Variants in LOC128125817 observed in about 807,000 individuals in gnomAD.
chr1:41,595,530 G>A, the LOC128125817 span, among the ~76,000 whole-genome samples: 6 of 152,150 alleles, frequency 3.9e-5, no homozygotes, highest in Non-Finnish European at 5.9e-5. Flanking sequence ...GCTGGGTTTT[G>A]AACTATGGGA....
the LOC128125817 span, among the ~76,000 whole-genome samples, chr1:41,610,311 C>G: frequency 6.6e-6 from 1 of 152,236 alleles, no homozygotes; most frequent in Non-Finnish European, 1.5e-5. Context: ...AGACACTTTG[C>G]TGCTATCACA....
the LOC128125817 span, among the ~76,000 whole-genome samples, chr1:41,623,743 G>A: frequency 2.8e-4 from 42 of 152,268 alleles, 1 homozygote; most frequent in African/African-American, 9.1e-4. Context: ...ACCCCACGCC[G>A]GTCTCTCACA....
chr1:41,616,620 CTTT>C, the LOC128125817 span, among the ~76,000 whole-genome samples: 6 of 112,452 alleles, frequency 5.3e-5, no homozygotes, highest in Admixed American at 1.0e-4. Flanking sequence ...GATGGGGAGC[CTTT>C]TTTTTTTTTT....
At chr1:41,628,211 C>T in the LOC128125817 span, among the ~76,000 whole-genome samples, 3 of 152,198 alleles carry the variant, frequency 2.0e-5, no homozygotes, top group Non-Finnish European at 4.4e-5. Flanking sequence ...CCAACCCTGA[C>T]ATCTTTTCAA....
At chr1:41,609,827 T>C in the LOC128125817 span, among the ~76,000 whole-genome samples, 1 of 152,270 alleles carries the variant, frequency 6.6e-6, no homozygotes, top group African/African-American at 2.4e-5. Context: ...ATGGTTAATT[T>C]TGTGTCAAGT....
At chr1:41,609,370 C>A in the LOC128125817 span, among the ~76,000 whole-genome samples, 1 of 152,250 alleles carries the variant, frequency 6.6e-6, no homozygotes, top group South Asian at 2.1e-4. Flanking sequence ...TTTGCCTGGG[C>A]AGCCTAGTAG....
chr1:41,585,751 C>G, the LOC128125817 span, among the ~76,000 whole-genome samples: 3 of 152,160 alleles, frequency 2.0e-5, no homozygotes, highest in African/African-American at 7.2e-5. Flanking sequence ...GACTGTGCCT[C>G]GGAGCTGCAG....
At chr1:41,607,311 T>C in the LOC128125817 span, among the ~76,000 whole-genome samples, 1 of 152,250 alleles carries the variant, frequency 6.6e-6, no homozygotes, top group Non-Finnish European at 1.5e-5. Flanking sequence ...GAGGTTTTCT[T>C]GGTTTTAACA....
the LOC128125817 span, among the ~76,000 whole-genome samples, chr1:41,611,359 C>A: frequency 2.6e-5 from 4 of 152,156 alleles, no homozygotes; most frequent in African/African-American, 9.7e-5. Context: ...AACAAAGACA[C>A]AAACTGTGGA....
chr1:41,617,652 AAC>A, the LOC128125817 span, among the ~76,000 whole-genome samples: 1 of 152,366 alleles, frequency 6.6e-6, no homozygotes, highest in African/African-American at 2.4e-5. Flanking sequence ...AGGAGATATC[AAC>A]AGTGTTTCCT....
chr1:41,610,850 G>A, the LOC128125817 span, among the ~76,000 whole-genome samples: 1 of 152,196 alleles, frequency 6.6e-6, no homozygotes, highest in Non-Finnish European at 1.5e-5. Context: ...CTGTTTGTGT[G>A]CCTGAGGGGA....
At chr1:41,620,142 G>A in the LOC128125817 span, among the ~76,000 whole-genome samples, 1 of 152,142 alleles carries the variant, frequency 6.6e-6, no homozygotes, top group Non-Finnish European at 1.5e-5. Flanking sequence ...CGACCCCAGG[G>A]AGGCATGCCA....
At chr1:41,598,548 A>G in the LOC128125817 span, among the ~76,000 whole-genome samples, 85 of 152,364 alleles carry the variant, frequency 5.6e-4, 1 homozygote, top group African/African-American at 1.8e-3. Flanking sequence ...CAGGATAGAT[A>G]TAACTGTATA....
the LOC128125817 span, among the ~76,000 whole-genome samples, chr1:41,601,918 C>G: frequency 1.3e-5 from 2 of 152,188 alleles, no homozygotes; most frequent in African/African-American, 4.8e-5. Flanking sequence ...TACTTTCCCT[C>G]TAGTCTTAGT....
the LOC128125817 span, among the ~76,000 whole-genome samples, chr1:41,613,106 C>T: frequency 1.3e-5 from 2 of 152,218 alleles, no homozygotes; most frequent in Non-Finnish European, 2.9e-5. Flanking sequence ...CGGAGTCAGC[C>T]GCTAGGGGCT....
chr1:41,618,703 C>T, the LOC128125817 span, among the ~76,000 whole-genome samples: 9 of 152,180 alleles, frequency 5.9e-5, no homozygotes, highest in Non-Finnish European at 1.3e-4. Context: ...GGATGAGTTT[C>T]CCAAGACAAA....
At chr1:41,613,547 A>C in the LOC128125817 span, among the ~76,000 whole-genome samples, 9 of 152,382 alleles carry the variant, frequency 5.9e-5, no homozygotes, top group African/African-American at 2.2e-4. Flanking sequence ...GGAAAGCTTC[A>C]GTTAATAGTT....
chr1:41,622,110 C>T, the LOC128125817 span, among the ~76,000 whole-genome samples: 1 of 152,196 alleles, frequency 6.6e-6, no homozygotes, highest in Non-Finnish European at 1.5e-5. Context: ...ATAACAAATG[C>T]TTACTGAGCA....
chr1:41,625,747 A>C, the LOC128125817 span, among the ~76,000 whole-genome samples: 5 of 152,220 alleles, frequency 3.3e-5, no homozygotes, highest in Admixed American at 6.5e-5. Context: ...AAAAATAAAT[A>C]AATAAAGTCT....
Sources: gnomAD v4.1 joint callset for allele counts (sites outside exome capture counted in the v4.1 genomes callset) on GRCh38, gnomAD v4.1.1 for gene constraint, MANE v1.5 for transcripts.